The following MTUS2 variants were observed in gnomAD, a reference collection of about 807,000 sequenced individuals.
The protein encoded by MTUS2 is microtubule associated scaffold protein 2.
MTUS2 carries 40 observed loss-of-function variants against 114.1 expected under a neutral mutation model. That is an observed-to-expected ratio of 0.35 (90% CI 0.27 to 0.46). The LOEUF (loss-of-function observed/expected upper bound fraction) is 0.46. Among genes scored for constraint, MTUS2 ranks in the 20% least tolerant of loss-of-function variants. The probability of loss-of-function intolerance (pLI) is 1.00; values close to 1 mark genes in which losing one functional copy is unlikely to be tolerated. For missense variants in MTUS2, 1,679 were observed against 1,705.4 expected, an observed-to-expected ratio of 0.98 and a Z score of 0.27; for synonymous variants, 688 against 672.0, an observed-to-expected ratio of 1.02 and a Z score of -0.37.
Position 29,503,782 on chromosome 13 carries a change from A to G in MTUS2, c.*576A>G, listed in dbSNP as rs1883066716. ...ACAGAGAAGAAGCGCCTTTCAACTC[A>G]CCACCAAGTGGTACTCTCTTTAACA... On this transcript the variant is annotated 3_prime_UTR_variant, in exon 16 of 16. Coordinates refer to ENST00000612955, the MANE Select transcript of MTUS2 (RefSeq NM_001033602.4). 4.2e-6 allele frequency: 1 copy of G among 236,592 alleles called. No homozygotes were observed. The highest frequency in any genetic ancestry group is 2.2e-5 in the African/African-American group (1 of 45,208). 14.7% of individuals were successfully genotyped at this position (236,592 alleles called of 1,614,324 possible).
chr13:29,470,800 C>T (rs897971873), intron 9 of MTUS2, among the ~76,000 whole-genome samples: 1 of 152,196 alleles, frequency 6.6e-6, no homozygotes, highest in Non-Finnish European at 1.5e-5. Flanking sequence ...TTGTCTTTCT[C>T]TCCGCAGTAT....
intron 2 of MTUS2, among the ~76,000 whole-genome samples, chr13:28,915,475 T>A (rs554236112): frequency 1.2e-3 from 182 of 152,136 alleles, no homozygotes; most frequent in African/African-American, 4.2e-3. Context: ...GCCTGTCTTT[T>A]GGATAAAAGT....
intron 5 of MTUS2, among the ~76,000 whole-genome samples, chr13:29,248,417 C>T (rs1291248522): frequency 1.3e-5 from 2 of 152,010 alleles, no homozygotes; most frequent in Admixed American, 6.6e-5. Context: ...TCCGTCATAT[C>T]CAAAGTATAC....
intron 2 of MTUS2, among the ~76,000 whole-genome samples, chr13:29,022,611 T>G (rs1465184505): frequency 6.6e-6 from 1 of 152,258 alleles, no homozygotes; most frequent in Non-Finnish European, 1.5e-5. Flanking sequence ...ACATGTGGTG[T>G]GCACGTGTGC....
At chr13:29,211,538 C>T (rs1255808213) in intron 5 of MTUS2, among the ~76,000 whole-genome samples, 1 of 152,240 alleles carries the variant, frequency 6.6e-6, no homozygotes, top group South Asian at 2.1e-4. Flanking sequence ...GATCTTTCCC[C>T]AGTTCCTCTG....
At chr13:29,108,112 A>G (rs965261368) in intron 5 of MTUS2, among the ~76,000 whole-genome samples, 6 of 152,258 alleles carry the variant, frequency 3.9e-5, no homozygotes, top group African/African-American at 1.2e-4. Context: ...TGCATTTTAA[A>G]TAAGATCAGG....
chr13:28,916,274 A>C (rs1880740956), intron 2 of MTUS2, among the ~76,000 whole-genome samples: 1 of 151,880 alleles, frequency 6.6e-6, no homozygotes, highest in South Asian at 2.1e-4. Context: ...AGCTTTGGCT[A>C]TTCTGGGTCT....
chr13:28,894,676 T>C (rs1879160580), intron 2 of MTUS2, among the ~76,000 whole-genome samples: 1 of 152,226 alleles, frequency 6.6e-6, no homozygotes, highest in African/African-American at 2.4e-5. Context: ...TTAGACTGTA[T>C]TATGTAATGC....
At chr13:28,859,398 C>T (rs1047925216) in intron 2 of MTUS2, among the ~76,000 whole-genome samples, 10 of 152,292 alleles carry the variant, frequency 6.6e-5, no homozygotes, top group Non-Finnish European at 8.8e-5. Context: ...GGACCTCATC[C>T]TTGCGGTCCA....
intron 2 of MTUS2, among the ~76,000 whole-genome samples, chr13:29,017,326 G>T (rs1035321613): frequency 1.3e-5 from 2 of 152,130 alleles, no homozygotes; most frequent in Non-Finnish European, 2.9e-5. Context: ...TGTAGTTGGA[G>T]CTCCTTTGGC....
At chr13:28,831,560 T>A (rs1237718807) in intron 1 of MTUS2, among the ~76,000 whole-genome samples, 1 of 152,152 alleles carries the variant, frequency 6.6e-6, no homozygotes, top group Non-Finnish European at 1.5e-5. Flanking sequence ...AGAAGGTCAT[T>A]ACCTGTTGTT....
intron 8 of MTUS2, among the ~76,000 whole-genome samples, chr13:29,389,828 TGTATATATACATAC>T (rs1315013926): frequency 1.7e-4 from 2 of 11,958 alleles, no homozygotes; most frequent in African/African-American, 2.8e-4. Flanking sequence ...CATACATATG[TGTATATATACATAC>T]ATATGTGTAT....
At chr13:29,254,970 A>G (rs896452045) in intron 5 of MTUS2, among the ~76,000 whole-genome samples, 2 of 152,142 alleles carry the variant, frequency 1.3e-5, no homozygotes, top group Non-Finnish European at 2.9e-5. Flanking sequence ...TCGTTTTTTA[A>G]AAGCTTGTTT....
At chr13:29,108,523 T>A (rs975348658) in intron 5 of MTUS2, among the ~76,000 whole-genome samples, 52 of 152,216 alleles carry the variant, frequency 3.4e-4, no homozygotes, top group Non-Finnish European at 5.9e-5. Context: ...GCTTACCCTT[T>A]CCCGATTCTA....
At chr13:28,960,258 A>G (rs1425168085) in intron 2 of MTUS2, among the ~76,000 whole-genome samples, 3 of 152,234 alleles carry the variant, frequency 2.0e-5, no homozygotes, top group Non-Finnish European at 4.4e-5. Flanking sequence ...TGGAAAAGTT[A>G]GAACCCCCAT....
chr13:28,938,930 A>C (rs1465065306), intron 2 of MTUS2, among the ~76,000 whole-genome samples: 1 of 152,174 alleles, frequency 6.6e-6, no homozygotes, highest in Non-Finnish European at 1.5e-5. Flanking sequence ...CCTTAATAGC[A>C]TAGGTATGTG....
chr13:29,263,949 C>T (rs968669144), intron 5 of MTUS2, among the ~76,000 whole-genome samples: 17 of 152,152 alleles, frequency 1.1e-4, no homozygotes, highest in African/African-American at 2.9e-4. Flanking sequence ...TGCACATAGT[C>T]TCCCAAATGT....
chr13:29,072,233 G>T (rs1888972481), intron 4 of MTUS2: 1 of 152,128 alleles, frequency 6.6e-6, no homozygotes, highest in Non-Finnish European at 1.5e-5. Context: ...GTGCTTAATA[G>T]AAAGCACTCA....
intron 2 of MTUS2, among the ~76,000 whole-genome samples, chr13:28,931,616 A>G (rs1881620444): frequency 6.6e-6 from 1 of 152,170 alleles, no homozygotes; most frequent in Non-Finnish European, 1.5e-5. Flanking sequence ...CGGTCTCCAG[A>G]AGTTCTTCCT....
Sources: gnomAD v4.1 joint callset for allele counts (sites outside exome capture counted in the v4.1 genomes callset) on GRCh38, gnomAD v4.1.1 for gene constraint, MANE v1.5 for transcripts, NCBI Gene and HGNC (gene_info 2026-07-23, HGNC 2026-07-21) for gene names.